The following WWOX variants were observed in gnomAD, a reference collection of about 807,000 sequenced individuals.
WWOX encodes WW domain containing oxidoreductase.
A neutral mutation model predicts 46.2 loss-of-function variants in WWOX; 69 were observed. The observed-to-expected ratio is 1.49, with a 90% CI of 1.23 to 1.82. The LOEUF is 1.82. WWOX is among the 40% of genes most tolerant of loss of function. The pLI, the probability that WWOX is intolerant of heterozygous loss-of-function variation, is 0.00. For missense variants in WWOX, 919 were observed against 542.6 expected, an observed-to-expected ratio of 1.69 and a Z score of -6.89; for synonymous variants, 359 against 202.6, an observed-to-expected ratio of 1.77 and a Z score of -6.56.
chr16:78,954,821 G>C (rs892701384), intron 8 of WWOX, among the ~76,000 whole-genome samples: 2 of 152,008 alleles, frequency 1.3e-5, no homozygotes, highest in Non-Finnish European at 2.9e-5. Flanking sequence ...ACAGAGTCTC[G>C]TTCTGTCACT....
chr16:78,331,968 A>G (rs939509455), intron 5 of WWOX, among the ~76,000 whole-genome samples: 6 of 152,180 alleles, frequency 3.9e-5, no homozygotes, highest in African/African-American at 1.4e-4. Flanking sequence ...AGCTGACTCC[A>G]AAGCTGTGTC....
chr16:78,673,376 C>T lies in WWOX; in HGVS notation c.1056+240624C>T, dbSNP rs148755296. Among the ~76,000 whole-genome samples the T allele has an allele frequency of 3.0e-4, 45 of 152,260 alleles. No individual in the cohort carries two copies. The East Asian group carries it at 8.3e-3, about 28-fold the overall frequency. ...GAAACTCTTCGCCTCTCTAACACCA[C>T]GTTTATTCTCCAGCCCAGTTATCTT... On this transcript the variant is annotated intron_variant, in intron 8 of 8. Coordinates refer to ENST00000566780, the MANE Select transcript of WWOX (RefSeq NM_016373.4).
chr16:78,663,975 C>T (rs2047273738), intron 8 of WWOX, among the ~76,000 whole-genome samples: 1 of 152,280 alleles, frequency 6.6e-6, no homozygotes, highest in South Asian at 2.1e-4. Flanking sequence ...TGTATGACGT[C>T]TGGATTTTCC....
chr16:78,444,657 A>C (rs1349888466), intron 8 of WWOX, among the ~76,000 whole-genome samples: 1 of 151,560 alleles, frequency 6.6e-6, no homozygotes, highest in Non-Finnish European at 1.5e-5. Flanking sequence ...CAGACTCCCG[A>C]GTAGCTAGGA....
chr16:79,002,057 A>G (rs953448761), intron 8 of WWOX, among the ~76,000 whole-genome samples: 6 of 152,070 alleles, frequency 3.9e-5, no homozygotes, highest in Non-Finnish European at 7.4e-5. Context: ...GTAATGGTAA[A>G]TTACACTAAT....
chr16:78,612,216 T>C (rs920052120), intron 8 of WWOX, among the ~76,000 whole-genome samples: 12 of 152,190 alleles, frequency 7.9e-5, no homozygotes, highest in African/African-American at 2.9e-4. Context: ...CAAAGAGGTG[T>C]AAATGGACAA....
intron 8 of WWOX, among the ~76,000 whole-genome samples, chr16:78,689,091 G>A (rs1243644972): frequency 6.6e-6 from 1 of 152,050 alleles, no homozygotes. Context: ...CTTTATTAGT[G>A]GCATGAGAAC....
chr16:78,459,968 C>T (rs927750859), intron 8 of WWOX, among the ~76,000 whole-genome samples: 4 of 151,556 alleles, frequency 2.6e-5, no homozygotes, highest in African/African-American at 7.3e-5. Context: ...GCACACCCAG[C>T]TAATTTTTTG....
At chr16:78,948,486 C>G (rs186088148) in intron 8 of WWOX, among the ~76,000 whole-genome samples, 55 of 152,224 alleles carry the variant, frequency 3.6e-4, no homozygotes, top group Middle Eastern at 3.4e-3. Context: ...CTTTTGAGAA[C>G]CTCCCGTTTC....
intron 8 of WWOX, among the ~76,000 whole-genome samples, chr16:78,556,930 G>C (rs1367078847): frequency 2.6e-5 from 4 of 152,056 alleles, no homozygotes; most frequent in Non-Finnish European, 4.4e-5. Context: ...TATTGGTCAG[G>C]CTGGTCTTGA....
intron 8 of WWOX, among the ~76,000 whole-genome samples, chr16:78,921,161 C>G (rs1435433072): frequency 3.3e-5 from 5 of 151,434 alleles, no homozygotes; most frequent in Non-Finnish European, 7.4e-5. Context: ...CATAAGGGAA[C>G]TTTTTTTTTC....
In WWOX at chr16:78,341,439, C is replaced by T. The variant is rs371227120; in HGVS notation, c.517-45421C>T. Among the ~76,000 whole-genome samples, 811 of 120,978 alleles carry T rather than the reference C, an allele frequency of 6.7e-3. 173 individuals carry two copies. Among genetic ancestry groups the T allele is most frequent in the African/African-American group, 0.02 (728 of 35,878 alleles). 79.4% of individuals were successfully genotyped at this position (120,978 alleles called of 152,430 possible). ...TATGTATAATCCACCATCTTTGTTC[C>T]TTTTATTTTTATGTTACTCATTCTT... is the stretch of plus-strand genomic sequence containing the variant. On this transcript the variant is annotated intron_variant, in intron 5 of 8. Transcript: ENST00000566780.
chr16:78,973,142 G>T (rs947959883), intron 8 of WWOX, among the ~76,000 whole-genome samples: 2 of 152,204 alleles, frequency 1.3e-5, no homozygotes, highest in African/African-American at 2.4e-5. Flanking sequence ...AGGTGGGGTT[G>T]CGGAAATCTC....
At chr16:78,536,529 T>G (rs948495624) in intron 8 of WWOX, among the ~76,000 whole-genome samples, 1 of 152,168 alleles carries the variant, frequency 6.6e-6, no homozygotes, top group African/African-American at 2.4e-5. Context: ...TGTTTTTCTC[T>G]TGGTGCAACT....
intron 8 of WWOX, among the ~76,000 whole-genome samples, chr16:78,492,651 C>T (rs887705531): frequency 2.0e-5 from 3 of 152,196 alleles, no homozygotes; most frequent in East Asian, 1.9e-4. Context: ...AAACTTTCTT[C>T]GTATATTGGC....
At chr16:78,364,062 T>C (rs1459940048) in intron 5 of WWOX, among the ~76,000 whole-genome samples, 1 of 152,198 alleles carries the variant, frequency 6.6e-6, no homozygotes, top group Non-Finnish European at 1.5e-5. Context: ...CTCAGTCTTG[T>C]TTTCAAGGTT....
intron 8 of WWOX, among the ~76,000 whole-genome samples, chr16:79,134,525 C>A (rs1239339364): frequency 6.6e-6 from 1 of 152,130 alleles, no homozygotes; most frequent in Non-Finnish European, 1.5e-5. Flanking sequence ...CTACCCGGGG[C>A]CCACTCCTAC....
At chr16:78,520,640 G>A (rs202041696) in intron 8 of WWOX, among the ~76,000 whole-genome samples, 2 of 152,118 alleles carry the variant, frequency 1.3e-5, no homozygotes, top group African/African-American at 4.8e-5. Context: ...GTGGGGCAGG[G>A]CAGGACGGCC....
At chr16:78,361,942 T>G (rs1349815571) in intron 5 of WWOX, among the ~76,000 whole-genome samples, 2 of 150,924 alleles carry the variant, frequency 1.3e-5, no homozygotes, top group Non-Finnish European at 2.9e-5. Context: ...TTCAATTACT[T>G]TATATTAGCG....
Sources: allele counts gnomAD v4.1 joint callset (sites outside exome capture counted in the v4.1 genomes callset), GRCh38; gene constraint gnomAD v4.1.1; transcripts MANE v1.5; gene names NCBI Gene and HGNC (gene_info 2026-07-23, HGNC 2026-07-21).